The following PLD5 variants were observed in gnomAD, a reference collection of about 807,000 sequenced individuals.
The protein encoded by PLD5 is phospholipase D family member 5.
In PLD5, 36 loss-of-function variants were observed where a neutral mutation model predicts 61.1. The observed-to-expected ratio is 0.59, with a 90% CI of 0.45 to 0.78. The LOEUF is 0.78. Ranked by LOEUF, PLD5 falls within the 30% of genes least tolerant of loss-of-function variation. The pLI is 0.00. For missense variants in PLD5, 515 were observed against 644.4 expected (o/e 0.80, Z 2.17); for synonymous variants, 243 against 242.8 (o/e 1.00, Z -0.01).
chr1:242,104,759 G>A (rs1449810611), intron 8 of PLD5, among the ~76,000 whole-genome samples: 1 of 152,176 alleles, frequency 6.6e-6, no homozygotes, highest in Non-Finnish European at 1.5e-5. Flanking sequence ...GGCCTCAGAT[G>A]AACTTCCTGC....
At chr1:242,473,480 G>C (rs541733419) in intron 1 of PLD5, among the ~76,000 whole-genome samples, 1 of 152,280 alleles carries the variant, frequency 6.6e-6, no homozygotes, top group African/African-American at 2.4e-5. Flanking sequence ...ACACAGGCTA[G>C]TTGTAATCTA....
intron 4 of PLD5, among the ~76,000 whole-genome samples, chr1:242,255,559 G>C (rs1672967271): frequency 6.6e-6 from 1 of 152,274 alleles, no homozygotes; most frequent in East Asian, 1.9e-4. Context: ...TAAATAACCT[G>C]CACGTTGTGC....
chr1:242,295,088 C>T (rs1675575629), intron 2 of PLD5, among the ~76,000 whole-genome samples: 1 of 152,136 alleles, frequency 6.6e-6, no homozygotes, highest in Admixed American at 6.5e-5. Flanking sequence ...CAGGTTCACA[C>T]TCAAAGTCAA....
chr1:242,219,937 G>T (rs1670457283), intron 5 of PLD5, 51 bp downstream of exon 5: 3 of 1,580,944 alleles, frequency 1.9e-6, no homozygotes, highest in East Asian at 4.5e-5. Flanking sequence ...TATGAAGGTG[G>T]TCGCTTTGAG....
chr1:242,427,799 G>A (rs568188230), intron 1 of PLD5, among the ~76,000 whole-genome samples: 2 of 152,306 alleles, frequency 1.3e-5, no homozygotes, highest in East Asian at 1.9e-4. Flanking sequence ...CACCAGAAAC[G>A]GATGTGTGCT....
At chr1:242,243,997 AT>A (rs1382882374) in intron 4 of PLD5, among the ~76,000 whole-genome samples, 2 of 152,050 alleles carry the variant, frequency 1.3e-5, no homozygotes, top group Non-Finnish European at 2.9e-5. Flanking sequence ...CATAAGAGCA[AT>A]TTTTCTCTGT....
At chr1:242,530,075 G>T in the PLD5 span, among the ~76,000 whole-genome samples, 17 of 152,146 alleles carry the variant, frequency 1.1e-4, no homozygotes, top group Non-Finnish European at 2.2e-4. Flanking sequence ...TGTATTTTTA[G>T]TAGAGATGGG....
intron 1 of PLD5, among the ~76,000 whole-genome samples, chr1:242,518,469 C>A (rs1483585630): frequency 2.6e-5 from 4 of 152,198 alleles, no homozygotes; most frequent in Non-Finnish European, 5.9e-5. Flanking sequence ...GTCTGTCTAA[C>A]TATGCCATCT....
chr1:242,503,989 A>G (rs1668640990), intron 1 of PLD5, among the ~76,000 whole-genome samples: 1 of 152,202 alleles, frequency 6.6e-6, no homozygotes, highest in South Asian at 2.1e-4. Context: ...GTATTCTCTT[A>G]GTTAATGCTG....
chr1:242,346,049 T>TGCA (rs1660118292), intron 2 of PLD5, among the ~76,000 whole-genome samples: 1 of 105,594 alleles, frequency 9.5e-6, no homozygotes, highest in Non-Finnish European at 1.8e-5. Context: ...ATATCATATT[T>TGCA]ATATCACATA....
intron 1 of PLD5, among the ~76,000 whole-genome samples, chr1:242,485,385 T>A (rs570537756): frequency 1.3e-5 from 2 of 152,194 alleles, no homozygotes; most frequent in African/African-American, 4.8e-5. Flanking sequence ...ACAAAATCAA[T>A]GTGCAAAAAT....
chr1:242,467,404 T>C (rs1667310939), intron 1 of PLD5, among the ~76,000 whole-genome samples: 1 of 152,210 alleles, frequency 6.6e-6, no homozygotes, highest in Non-Finnish European at 1.5e-5. Context: ...TTTGTACTGC[T>C]TAAATTTCTC....
At chr1:242,484,188 A>G (rs1334811177) in intron 1 of PLD5, among the ~76,000 whole-genome samples, 1 of 152,204 alleles carries the variant, frequency 6.6e-6, no homozygotes, top group African/African-American at 2.4e-5. Context: ...AAGCTAGCAG[A>G]AGGCAAGAAA....
intron 7 of PLD5, among the ~76,000 whole-genome samples, chr1:242,110,079 T>C (rs1424029274): frequency 7.2e-6 from 1 of 138,396 alleles, no homozygotes; most frequent in East Asian, 2.0e-4. Flanking sequence ...ATATTATATA[T>C]TATTATTATT....
Position 242,089,505 on chromosome 1 carries a change from C to A in PLD5, c.*349G>T. 1 of 487,258 alleles carries A rather than the reference C, an allele frequency of 2.1e-6. No individual in the cohort carries two copies. Among genetic ancestry groups the A allele is most frequent in the Non-Finnish European group, 3.6e-6 (1 of 280,266 alleles). 30.2% of individuals were successfully genotyped at this position (487,258 alleles called of 1,614,324 possible). ...CAGTTCTCAGAATGGTGTTAAAGAG[C>A]CCACCTCATGCTAAGCTTCCTAACA... is the stretch of plus-strand genomic sequence containing the variant. On this transcript the variant is annotated 3_prime_UTR_variant, in exon 10 of 10. Transcript: ENST00000536534.
chr1:242,311,734 AT>A (rs1452043729), intron 2 of PLD5, among the ~76,000 whole-genome samples: 4 of 152,068 alleles, frequency 2.6e-5, no homozygotes, highest in African/African-American at 9.7e-5. Context: ...AGCTTCTTGC[AT>A]TTGTACATTT....
chr1:242,357,353 ATT>A (rs1026908938), intron 1 of PLD5, among the ~76,000 whole-genome samples: 3 of 148,316 alleles, frequency 2.0e-5, no homozygotes, highest in African/African-American at 7.5e-5. Flanking sequence ...GCTCTCAGAA[ATT>A]TTTTGTTTTT....
chr1:242,261,718 C>G (rs1453711269), intron 4 of PLD5, among the ~76,000 whole-genome samples: 11 of 152,056 alleles, frequency 7.2e-5, no homozygotes. Context: ...TGGAAATGGT[C>G]AATAAGCATA....
intron 2 of PLD5, among the ~76,000 whole-genome samples, chr1:242,295,186 G>C (rs1301178899): frequency 6.6e-6 from 1 of 151,980 alleles, no homozygotes; most frequent in Non-Finnish European, 1.5e-5. Context: ...TTCTTGCATG[G>C]GTATACCTCA....
Sources: allele counts gnomAD v4.1 joint callset (sites outside exome capture counted in the v4.1 genomes callset), GRCh38; gene constraint gnomAD v4.1.1; transcripts MANE v1.5; gene names NCBI Gene and HGNC (gene_info 2026-07-23, HGNC 2026-07-21).